MTARC2: variants seen among roughly 807,000 people sequenced by gnomAD.
MTARC2 encodes MOCO sulphurase C-terminal domain containing 2.
Under a neutral mutation model 35.6 loss-of-function variants are expected in MTARC2, and 27 were observed. The ratio of observed to expected loss-of-function variants is 0.76; its 90% CI spans 0.56 to 1.04. The LOEUF (loss-of-function observed/expected upper bound fraction) is 1.04, where lower values mean the gene tolerates loss of function less well. MTARC2 is among the 50% of genes least tolerant of loss of function. The pLI, the probability that MTARC2 is intolerant of heterozygous loss-of-function variation, is 0.00. For synonymous variants in MTARC2, 158 were observed against 167.1 expected (o/e 0.95, Z 0.42); for missense variants, 412 against 432.5 (o/e 0.95, Z 0.42).
At chr1:220,769,528 G>C (rs1671676344) in intron 4 of MTARC2, among the ~76,000 whole-genome samples, 1 of 152,126 alleles carries the variant, frequency 6.6e-6, no homozygotes. Flanking sequence ...GCCAGGGGTG[G>C]GAACCACTGG....
chr1:220,767,110 C>T (rs1392327159), intron 4 of MTARC2, among the ~76,000 whole-genome samples: 1 of 152,038 alleles, frequency 6.6e-6, no homozygotes, highest in African/African-American at 2.4e-5. Flanking sequence ...AGGTAGAACA[C>T]TGATTTTTCT....
rs1218195620 is a variant in MTARC2 at position 220,760,548 on chromosome 1, G to A, written c.447-1110G>A. Among the ~76,000 whole-genome samples, 3 of 152,214 alleles carry A rather than the reference G, an allele frequency of 2.0e-5. No homozygotes were observed. In the East Asian group the frequency reaches 5.8e-4, roughly 29 times the overall value. ...TAGCAATATGTGAGATTCATTCAGAGTTTTATGGATATTTTATGGGGTTCA... is the reference window on the plus strand; with the variant it reads ...TAGCAATATGTGAGATTCATTCAGAATTTTATGGATATTTTATGGGGTTCA... On this transcript the variant is annotated intron_variant, in intron 2 of 7. Transcript: ENST00000366913.
At chr1:220,770,418 C>T (rs570182398) in intron 4 of MTARC2, 90 of 985,384 alleles carry the variant, frequency 9.1e-5, no homozygotes, top group East Asian at 2.3e-4. Context: ...CGGTGGTGCG[C>T]GGTATTCCCC....
At position 220,762,972 on chromosome 1, in the gene MTARC2, T is replaced by G. The variant is rs1226502467; in HGVS notation, c.672T>G (p.Asn224Lys). The change falls in exon 4 of 8, where the codon AAT (asparagine) becomes AAG (lysine). Residue 224 changes from asparagine (N) to lysine (K), a missense_variant. Coordinates refer to ENST00000366913, the MANE Select transcript of MTARC2 (RefSeq NM_017898.5). Reference sequence around the variant, plus strand: ...CAGATGCCTCCCTGGTAGATTTGAATACCAGGATGGAGAAGAAAATGAAAA... The same window carrying G: ...CAGATGCCTCCCTGGTAGATTTGAAGACCAGGATGGAGAAGAAAATGAAAA... ...IMTDASLVDL[N>K]TRMEKKMKME... 1.2e-6 allele frequency: 2 copies of G among 1,614,162 alleles called. No individual in the cohort carries two copies. Among genetic ancestry groups the G allele is most frequent in the Non-Finnish European group, 8.5e-7 (1 of 1,180,030 alleles).
At chr1:220,754,780 C>G (rs778514113) in intron 1 of MTARC2, among the ~76,000 whole-genome samples, 167 bp from the exon 2 acceptor site, 2 of 152,198 alleles carry the variant, frequency 1.3e-5, no homozygotes, top group Non-Finnish European at 2.9e-5. Flanking sequence ...GGGTCACCAA[C>G]TTTTAGACCC....
chr1:220,749,783 G>A (rs1671083620), intron 1 of MTARC2, among the ~76,000 whole-genome samples: 1 of 152,092 alleles, frequency 6.6e-6, no homozygotes, highest in African/African-American at 2.4e-5. Flanking sequence ...TGTGTCCGAG[G>A]GGAGGGAGGT....
At chr1:220,751,732 A>G (rs533072826) in intron 1 of MTARC2, among the ~76,000 whole-genome samples, 1 of 152,248 alleles carries the variant, frequency 6.6e-6, no homozygotes, top group Admixed American at 6.5e-5. Context: ...TCGGGGCTCC[A>G]GGCTTCTACA....
chr1:220,770,547 C>T, intron 4 of MTARC2: 1 of 985,398 alleles, frequency 1.0e-6, no homozygotes, highest in Non-Finnish European at 1.2e-6. Flanking sequence ...GTAGAGACGG[C>T]AGAGTGGAGG....
intron 2 of MTARC2, among the ~76,000 whole-genome samples, chr1:220,755,407 G>C (rs1051229562): frequency 2.2e-4 from 33 of 152,190 alleles, no homozygotes; most frequent in Non-Finnish European, 1.5e-5. Flanking sequence ...CTAGAAACTG[G>C]AGGCACGCTA....
At chr1:220,767,423 A>G (rs564836296) in intron 4 of MTARC2, among the ~76,000 whole-genome samples, 29 of 152,346 alleles carry the variant, frequency 1.9e-4, no homozygotes, top group Middle Eastern at 6.8e-3. Context: ...ATTGTGTAAC[A>G]TTTACTGTCT....
intron 2 of MTARC2, among the ~76,000 whole-genome samples, chr1:220,756,068 T>C (rs956384255): frequency 6.6e-6 from 1 of 152,192 alleles, no homozygotes; most frequent in Non-Finnish European, 1.5e-5. Context: ...GACATATTCC[T>C]TGGGTGTAAG....
chr1:220,780,969 C>A (rs1360688233), intron 6 of MTARC2, among the ~76,000 whole-genome samples: 1 of 134,286 alleles, frequency 7.4e-6, no homozygotes, highest in Non-Finnish European at 1.6e-5. Context: ...AATGAGTTGT[C>A]AGAGCTTTTT....
intron 4 of MTARC2, among the ~76,000 whole-genome samples, chr1:220,765,569 A>G (rs1671558054): frequency 6.6e-6 from 1 of 152,074 alleles, no homozygotes; most frequent in Admixed American, 6.5e-5. Context: ...GTCACTAGAG[A>G]GTCTTTGTTT....
intron 6 of MTARC2, among the ~76,000 whole-genome samples, chr1:220,780,477 G>T (rs1480897753): frequency 2.7e-5 from 4 of 147,660 alleles, no homozygotes; most frequent in Admixed American, 6.7e-5. Flanking sequence ...TTTTTGAGAG[G>T]AGCCTCACTC....
At chr1:220,749,192 C>T (rs1671067120) in intron 1 of MTARC2, among the ~76,000 whole-genome samples, 1 of 152,160 alleles carries the variant, frequency 6.6e-6, no homozygotes, top group Non-Finnish European at 1.5e-5. Context: ...TTGGCTTAGG[C>T]CTTGCTGGGC....
intron 4 of MTARC2, among the ~76,000 whole-genome samples, chr1:220,778,247 CAAAAAAAAAAA>C (rs60336134): frequency 0.038 from 3,720 of 97,366 alleles, 116 homozygotes; most frequent in Non-Finnish European, 0.047. Flanking sequence ...GACTCTGTCT[CAAAAAAAAAAA>C]AAAAAAAAAA....
At chr1:220,772,402 T>G (rs978088044) in intron 4 of MTARC2, among the ~76,000 whole-genome samples, 7 of 152,214 alleles carry the variant, frequency 4.6e-5, no homozygotes, top group African/African-American at 1.7e-4. Flanking sequence ...ACTAATTTAG[T>G]AAGTGAAAAG....
chr1:220,767,611 A>G (rs1206024856), intron 4 of MTARC2, among the ~76,000 whole-genome samples: 3 of 152,244 alleles, frequency 2.0e-5, no homozygotes, highest in African/African-American at 7.2e-5. Flanking sequence ...TTGTGGGGTC[A>G]GTGTTTACTG....
At chr1:220,778,247 CAAAAA>C (rs60336134) in intron 4 of MTARC2, among the ~76,000 whole-genome samples, 1 of 97,358 alleles carries the variant, frequency 1.0e-5, no homozygotes. Flanking sequence ...GACTCTGTCT[CAAAAA>C]AAAAAAAAAA....
Sources: allele counts gnomAD v4.1 joint callset (sites outside exome capture counted in the v4.1 genomes callset), GRCh38; gene constraint gnomAD v4.1.1; transcripts MANE v1.5; gene names NCBI Gene and HGNC (gene_info 2026-07-23, HGNC 2026-07-21).